The following SV2B variants were observed in gnomAD, a reference collection of about 807,000 sequenced individuals.
SV2B encodes solute carrier family 22 member B2.
SV2B carries 41 observed loss-of-function variants against 73.9 expected under a neutral mutation model. The observed-to-expected ratio is 0.56, with a 90% CI of 0.43 to 0.72. The LOEUF (loss-of-function observed/expected upper bound fraction) is 0.72. SV2B is among the 30% of genes least tolerant of loss of function. SV2B has a pLI of 0.00. For missense variants in SV2B, 764 were observed against 857.8 expected (o/e 0.89, Z 1.37); for synonymous variants, 314 against 314.2 (o/e 1.00, Z 0.01).
intron 1 of SV2B, among the ~76,000 whole-genome samples, chr15:91,189,242 C>T (rs1248169946): frequency 1.3e-5 from 2 of 151,932 alleles, no homozygotes; most frequent in Non-Finnish European, 2.9e-5. Flanking sequence ...GAAAAATGTC[C>T]TGTATTTTGT....
chr15:91,277,531 TTA>T (rs1205009282), intron 9 of SV2B, among the ~76,000 whole-genome samples: 7 of 152,188 alleles, frequency 4.6e-5, no homozygotes, highest in African/African-American at 1.7e-4. Flanking sequence ...ATGATCTTCT[TTA>T]TGTTACTTAC....
rs1567036374 is a variant in SV2B, at chr15:91,297,029, T to TTCTGCCTGATCGTTGGGCGCACGCTC, written c.*4477_*4478insTCTGCCTGATCGTTGGGCGCACGCTC. ...TCTGCCCGATCGTTGGGCGCACGCTTCTTCTGCCTGATCGTTGGGCGCACG... is the reference window on the plus strand; with the variant it reads ...TCTGCCCGATCGTTGGGCGCACGCTTTCTGCCTGATCGTTGGGCGCACGCTCCTTCTGCCTGATCGTTGGGCGCACG... On this transcript the variant is annotated 3_prime_UTR_variant, in exon 13 of 13. Transcript: ENST00000394232. The surrounding 1 kb of genome is among the most constrained non-coding windows in gnomAD (Gnocchi z 5.1). The TTCTGCCTGATCGTTGGGCGCACGCTC allele has an allele frequency of 5.0e-5, 2 of 40,374 alleles. No individual in the cohort carries two copies. The highest frequency in any genetic ancestry group is 1.1e-4 in the African/African-American group (1 of 9,232). 2.5% of individuals were successfully genotyped at this position (40,374 alleles called of 1,614,324 possible).
At position 91,289,512 on chromosome 15, in the gene SV2B, C is replaced by T; in HGVS notation, c.1709-9C>T. ...CATGTTTCTTTTTGCCCTTGAACTCCCTCTGCAGGTGGCTCCATGCTAATC... is the reference window on the plus strand; with the variant it reads ...CATGTTTCTTTTTGCCCTTGAACTCTCTCTGCAGGTGGCTCCATGCTAATC... On this transcript the variant is annotated splice_polypyrimidine_tract_variant and intron_variant, in intron 11 of 12. Coordinates refer to ENST00000394232, the MANE Select transcript of SV2B (RefSeq NM_001323032.3). This position sits in a 1 kb window ranked among gnomAD's most constrained non-coding sequence, Gnocchi z 4.9. 1 of 1,614,160 alleles carries T rather than the reference C, an allele frequency of 6.2e-7. No homozygotes were observed. Among genetic ancestry groups the T allele is most frequent in the Non-Finnish European group, 8.5e-7 (1 of 1,180,026 alleles).
chr15:91,109,284 C>G (rs926627495), intron 1 of SV2B, among the ~76,000 whole-genome samples: 2 of 152,212 alleles, frequency 1.3e-5, no homozygotes, highest in African/African-American at 4.8e-5. Flanking sequence ...TCACGGATGT[C>G]TGCATCCAGA....
intron 11 of SV2B, among the ~76,000 whole-genome samples, chr15:91,286,369 C>T (rs2048860847): frequency 6.6e-6 from 1 of 152,172 alleles, no homozygotes; most frequent in African/African-American, 2.4e-5. Context: ...TTGTAGTGTG[C>T]AAGTCATTTC....
At chr15:91,142,899 G>T (rs756955563) in intron 1 of SV2B, among the ~76,000 whole-genome samples, 1 of 152,204 alleles carries the variant, frequency 6.6e-6, no homozygotes, top group Non-Finnish European at 1.5e-5. Flanking sequence ...TAAAAATAAA[G>T]TTTAGCATAT....
intron 1 of SV2B, among the ~76,000 whole-genome samples, chr15:91,222,638 C>A (rs1319291629): frequency 6.6e-6 from 1 of 152,192 alleles, no homozygotes; most frequent in Non-Finnish European, 1.5e-5. Flanking sequence ...GACTTATCTT[C>A]TTGGCGTCTT....
intron 1 of SV2B, among the ~76,000 whole-genome samples, chr15:91,211,459 CTCCTCT>C (rs2045857938): frequency 6.6e-6 from 1 of 151,752 alleles, no homozygotes; most frequent in Admixed American, 6.6e-5. Context: ...CATCTTCTTC[CTCCTCT>C]TCCTCTTCCT....
At position 91,129,088 on chromosome 15, in the gene SV2B, T is replaced by G. The variant is rs1311174406; in HGVS notation, c.-392+28725T>G. Among the ~76,000 whole-genome samples, 1 of 152,218 alleles carries G rather than the reference T, an allele frequency of 6.6e-6. No homozygotes were observed. Among genetic ancestry groups the G allele is most frequent in the African/African-American group, 2.4e-5 (1 of 41,458 alleles). ...TGGCCCCTACATGGCCACATGTAAG[T>G]CTTATGTCCTGCTGCCTTTCAAACA... On this transcript the variant is annotated intron_variant, in intron 1 of 12. Coordinates refer to ENST00000394232, the MANE Select transcript of SV2B (RefSeq NM_001323032.3). The surrounding 1 kb of genome is among the most constrained non-coding windows in gnomAD (Gnocchi z 5.1).
In SV2B at chr15:91,258,044, A is replaced by G. The variant is rs2047762379; in HGVS notation, c.785-377A>G. 6.6e-6 allele frequency among the ~76,000 whole-genome samples: 1 copy of G among 152,194 alleles called. No individual in the cohort carries two copies. The highest frequency in any genetic ancestry group is 2.1e-4 in the South Asian group (1 of 4,828). On this transcript the variant is annotated intron_variant, in intron 4 of 12. Transcript: ENST00000394232. This position sits in a 1 kb window ranked among gnomAD's most constrained non-coding sequence, Gnocchi z 4.7. The stretch of plus-strand genomic sequence containing the variant: ...CAAATAGAATATGTTTCCTTTAACA[A>G]TCTGCCATCTTAAAATATAATGATT...
rs185583833 is a variant in SV2B, at chr15:91,279,773, G to C, written c.1374-1955G>C. Among the ~76,000 whole-genome samples the C allele has an allele frequency of 1.7e-3, 258 of 152,280 alleles. 1 individual carries two copies. Among genetic ancestry groups the C allele is most frequent in the African/African-American group, 6.1e-3 (253 of 41,548 alleles). ...AGAAGGATATATTAAGAAAAGCAAA[G>C]GTCTGCAACAGTCTCCAGGAATAGC... is the stretch of plus-strand genomic sequence containing the variant. On this transcript the variant is annotated intron_variant, in intron 9 of 12. Coordinates refer to ENST00000394232, the MANE Select transcript of SV2B (RefSeq NM_001323032.3).
chr15:91,157,707 C>G (rs1020599416), intron 1 of SV2B, among the ~76,000 whole-genome samples: 1 of 152,168 alleles, frequency 6.6e-6, no homozygotes, highest in Admixed American at 6.5e-5. Flanking sequence ...GGTCATAGTG[C>G]TAAGTGGCAG....
At chr15:91,166,551 CT>C (rs1469980964) in intron 1 of SV2B, among the ~76,000 whole-genome samples, 3 of 151,840 alleles carry the variant, frequency 2.0e-5, no homozygotes, top group Non-Finnish European at 4.4e-5. Flanking sequence ...CAGCACCTAT[CT>C]TTTTCTCCTC....
chr15:91,268,431 T>C lies in SV2B; in HGVS notation c.1209-10T>C. On this transcript the variant is annotated splice_polypyrimidine_tract_variant and intron_variant, in intron 8 of 12. Transcript: ENST00000394232. This position sits in a 1 kb window ranked among gnomAD's most constrained non-coding sequence, Gnocchi z 4.4. ...GTTGTTGTTGCAACCTTCTGCCTTCTCCACTCCAGTTACTATGGACTGACA... is the reference window on the plus strand; with the variant it reads ...GTTGTTGTTGCAACCTTCTGCCTTCCCCACTCCAGTTACTATGGACTGACA... 1 of 1,607,820 alleles carries C rather than the reference T, an allele frequency of 6.2e-7. No individual in the cohort carries two copies. The highest frequency in any genetic ancestry group is 1.1e-5 in the South Asian group (1 of 90,712).
rs1424005728 is a variant in SV2B at position 91,220,297 on chromosome 15, T to C, written c.-391-5576T>C. 6.6e-6 allele frequency among the ~76,000 whole-genome samples: 1 copy of C among 152,240 alleles called. No homozygotes were observed. The highest frequency in any genetic ancestry group is 1.5e-5 in the Non-Finnish European group (1 of 68,040). ...GTCTGTCTGTTGATTAGAGCTATTC[T>C]AATGGATGTGTAGTGATATCTTACT... On this transcript the variant is annotated intron_variant, in intron 1 of 12. Transcript: ENST00000394232. This position sits in a 1 kb window ranked among gnomAD's most constrained non-coding sequence, Gnocchi z 4.1.
intron 2 of SV2B, among the ~76,000 whole-genome samples, chr15:91,251,002 T>C (rs1374733302): frequency 6.6e-6 from 1 of 152,090 alleles, no homozygotes; most frequent in African/African-American, 2.4e-5. Context: ...GGCAAAGCAG[T>C]CGAGCCAAAA....
intron 1 of SV2B, among the ~76,000 whole-genome samples, chr15:91,126,358 T>A (rs116507889): frequency 0.011 from 1,651 of 152,326 alleles, 30 homozygotes; most frequent in African/African-American, 0.037. Flanking sequence ...CATGCCAAGA[T>A]GAGGATTCTG....
chr15:91,205,586 G>A (rs1026231827), intron 1 of SV2B, among the ~76,000 whole-genome samples: 1 of 151,856 alleles, frequency 6.6e-6, no homozygotes, highest in Non-Finnish European at 1.5e-5. Context: ...GACTGGTCTC[G>A]AACTCTTGAT....
chr15:91,118,066 G>C lies in SV2B; in HGVS notation c.-392+17703G>C, dbSNP rs1164772399. Among the ~76,000 whole-genome samples the C allele has an allele frequency of 1.3e-5, 2 of 152,144 alleles. No homozygotes were observed. The highest frequency in any genetic ancestry group is 2.4e-5 in the African/African-American group (1 of 41,426). Reference sequence around the variant, plus strand: ...TGTAAGTAGAGGGATTAAAAAAAGTGGGTAGAATTTTTGAAATCTTGGCCT... The same window carrying C: ...TGTAAGTAGAGGGATTAAAAAAAGTCGGTAGAATTTTTGAAATCTTGGCCT... On this transcript the variant is annotated intron_variant, in intron 1 of 12. Transcript: ENST00000394232. The surrounding 1 kb of genome is among the most constrained non-coding windows in gnomAD (Gnocchi z 4.7).
Sources: allele counts gnomAD v4.1 joint callset (sites outside exome capture counted in the v4.1 genomes callset), GRCh38; gene constraint gnomAD v4.1.1; non-coding constraint Gnocchi (gnomAD v3.1); transcripts MANE v1.5; gene names NCBI Gene and HGNC (gene_info 2026-07-23, HGNC 2026-07-21).